Variants in CNTN4 observed in about 807,000 individuals in gnomAD.
CNTN4 encodes the protein contactin 4.
In CNTN4, 77 loss-of-function variants were observed where a neutral mutation model predicts 122.5. The observed-to-expected ratio is 0.63, with a 90% CI of 0.52 to 0.76. CNTN4 has a LOEUF of 0.76. Ranked by LOEUF, CNTN4 falls within the 30% of genes least tolerant of loss-of-function variation. CNTN4 has a pLI of 0.00. For synonymous variants in CNTN4, 512 were observed against 447.0 expected (o/e 1.15, Z -1.83); for missense variants, 1,256 against 1,259.1 (o/e 1.00, Z 0.04).
intron 3 of CNTN4, among the ~76,000 whole-genome samples, chr3:2,488,279 A>G (rs574799391): frequency 5.9e-5 from 9 of 152,330 alleles, no homozygotes; most frequent in Admixed American, 3.3e-4. Context: ...TCATTTCCTT[A>G]TAAGTTTGAG....
chr3:2,819,990 A>G (rs2092827463), intron 7 of CNTN4, among the ~76,000 whole-genome samples: 1 of 152,162 alleles, frequency 6.6e-6, no homozygotes, highest in Admixed American at 6.5e-5. Flanking sequence ...CACCAAATGT[A>G]TGGGTTTTTT....
At chr3:2,778,182 C>A (rs901913595) in intron 6 of CNTN4, among the ~76,000 whole-genome samples, 1 of 140,502 alleles carries the variant, frequency 7.1e-6, no homozygotes, top group Non-Finnish European at 1.5e-5. Context: ...CCACTGCACT[C>A]CAGCCTGGGC....
At chr3:2,580,341 G>A (rs1300546922) in intron 4 of CNTN4, among the ~76,000 whole-genome samples, 1 of 152,112 alleles carries the variant, frequency 6.6e-6, no homozygotes, top group East Asian at 1.9e-4. Context: ...AGCTGAGGAG[G>A]TGTCTATAAT....
chr3:2,376,885 C>T (rs1409292182), intron 3 of CNTN4, among the ~76,000 whole-genome samples: 5 of 152,212 alleles, frequency 3.3e-5, no homozygotes, highest in Admixed American at 6.5e-5. Context: ...CAGCAGGGCG[C>T]GGTGGCTCAC....
At chr3:2,860,864 C>T (rs2093664147) in intron 7 of CNTN4, among the ~76,000 whole-genome samples, 1 of 152,132 alleles carries the variant, frequency 6.6e-6, no homozygotes, top group Non-Finnish European at 1.5e-5. Context: ...ACACTCTTGC[C>T]TTCTCCTGCT....
At chr3:2,704,270 C>A (rs1408854530) in intron 4 of CNTN4, among the ~76,000 whole-genome samples, 3 of 133,478 alleles carry the variant, frequency 2.2e-5, no homozygotes, top group Non-Finnish European at 3.1e-5. Flanking sequence ...GCTCTCCAGC[C>A]TGGGTGACAG....
intron 3 of CNTN4, among the ~76,000 whole-genome samples, chr3:2,485,214 G>A (rs150900082): frequency 0.016 from 2,377 of 152,316 alleles, 67 homozygotes; most frequent in African/African-American, 0.053. Flanking sequence ...GCTCCAGCGC[G>A]GCCGGAGCCT....
Position 2,736,413 on chromosome 3 carries a change from A to G in CNTN4, c.182+72A>G, listed in dbSNP as rs940190854. On this transcript the variant is annotated intron_variant, in intron 5 of 24. Coordinates refer to ENST00000418658, the MANE Select transcript of CNTN4 (RefSeq NM_175607.3). ...ATTAAAATCAACAAATACTTATACA[A>G]TGCTGGTTACATAAAGAGCTTTTAT... 5 of 1,180,226 alleles carry G rather than the reference A, an allele frequency of 4.2e-6. 1 individual carries two copies. The highest frequency in any genetic ancestry group is 4.2e-5 in the Admixed American group (2 of 47,080). The allele number at this position is 1,180,226 out of a possible 1,614,324, so 73.1% of individuals were successfully genotyped here.
chr3:2,471,935 GA>G (rs1303429277), intron 3 of CNTN4, among the ~76,000 whole-genome samples: 9 of 152,246 alleles, frequency 5.9e-5, no homozygotes, highest in Non-Finnish European at 1.5e-5. Context: ...AATGTGATCT[GA>G]GTAATTTTGA....
chr3:2,164,423 A>T (rs1574974973), intron 2 of CNTN4, among the ~76,000 whole-genome samples: 1 of 152,124 alleles, frequency 6.6e-6, no homozygotes, highest in Non-Finnish European at 1.5e-5. Context: ...AATAATAGGA[A>T]TTTTAGAAAT....
At chr3:2,205,040 CT>C (rs2038275970) in intron 2 of CNTN4, among the ~76,000 whole-genome samples, 1 of 151,912 alleles carries the variant, frequency 6.6e-6, no homozygotes, top group Non-Finnish European at 1.5e-5. Flanking sequence ...AAAATAGTTA[CT>C]TTTTTCAAAA....
At chr3:2,598,601 T>C (rs546586098) in intron 4 of CNTN4, among the ~76,000 whole-genome samples, 22 of 152,324 alleles carry the variant, frequency 1.4e-4, no homozygotes, top group Non-Finnish European at 3.1e-4. Context: ...ACTCTTTCCT[T>C]GATTTTATGT....
chr3:2,337,006 AC>A lies in CNTN4; in HGVS notation c.-144-2171del, dbSNP rs149177189. Among the ~76,000 whole-genome samples, 81 of 152,274 alleles carry A rather than the reference AC, an allele frequency of 5.3e-4. No homozygotes were observed. The East Asian group carries it at 0.014, about 26-fold the overall frequency. ...TAGCTGTAGCCTATTAGGTTGAATC[AC>A]GTAGAACATAGGGCTGGTCTTTTCA... is the stretch of plus-strand genomic sequence containing the variant. On this transcript the variant is annotated intron_variant, in intron 2 of 24. Transcript: ENST00000418658.
chr3:2,497,153 ATTAAT>A (rs1200942645), intron 3 of CNTN4, among the ~76,000 whole-genome samples: 1 of 152,226 alleles, frequency 6.6e-6, no homozygotes, highest in Non-Finnish European at 1.5e-5. Flanking sequence ...CAGTTGACAT[ATTAAT>A]TTAACTATCA....
intron 4 of CNTN4, among the ~76,000 whole-genome samples, chr3:2,703,407 G>C (rs1258711023): frequency 6.6e-6 from 1 of 152,126 alleles, no homozygotes; most frequent in Non-Finnish European, 1.5e-5. Flanking sequence ...ATATCCATTA[G>C]CTCATTTGAT....
chr3:2,573,258 T>C (rs931162857), intron 4 of CNTN4, among the ~76,000 whole-genome samples: 1 of 152,224 alleles, frequency 6.6e-6, no homozygotes, highest in African/African-American at 2.4e-5. Context: ...TACTTATACA[T>C]CTTTTAATAG....
intron 6 of CNTN4, among the ~76,000 whole-genome samples, chr3:2,796,728 G>A (rs188105383): frequency 9.2e-4 from 140 of 152,208 alleles, no homozygotes; most frequent in South Asian, 7.5e-3. Flanking sequence ...CATAAGATCC[G>A]GTGTTCTTTA....
intron 14 of CNTN4, among the ~76,000 whole-genome samples, chr3:3,010,682 G>T (rs543262061): frequency 3.9e-5 from 6 of 152,202 alleles, no homozygotes; most frequent in Admixed American, 6.5e-5. Context: ...TAGCCAAACA[G>T]CATGGACGAG....
At chr3:2,655,272 T>C (rs555963417) in intron 4 of CNTN4, among the ~76,000 whole-genome samples, 12 of 152,356 alleles carry the variant, frequency 7.9e-5, no homozygotes, top group African/African-American at 2.9e-4. Flanking sequence ...TTAATAACTG[T>C]AACTGCAAAG....
Sources: allele counts gnomAD v4.1 joint callset (sites outside exome capture counted in the v4.1 genomes callset), GRCh38; gene constraint gnomAD v4.1.1; transcripts MANE v1.5; gene names NCBI Gene and HGNC (gene_info 2026-07-23, HGNC 2026-07-21).